The following FBXO16 variants were observed in gnomAD, a reference collection of about 807,000 sequenced individuals.
FBXO16 encodes the protein F-box only protein 16.
Under a neutral mutation model 41.0 loss-of-function variants are expected in FBXO16, and 31 were observed. The ratio of observed to expected loss-of-function variants is 0.76; its 90% CI spans 0.57 to 1.02. FBXO16 has a LOEUF of 1.02. FBXO16 is among the 50% of genes least tolerant of loss of function. The pLI is 0.00. For missense variants in FBXO16, 361 were observed against 346.2 expected, an observed-to-expected ratio of 1.04 and a Z score of -0.34; for synonymous variants, 133 against 117.8, an observed-to-expected ratio of 1.13 and a Z score of -0.84.
chr8:28,454,418 G>A (rs1266213947), intron 5 of FBXO16, among the ~76,000 whole-genome samples: 2 of 151,604 alleles, frequency 1.3e-5, no homozygotes, highest in African/African-American at 4.9e-5. Flanking sequence ...ATAAATGCTA[G>A]TAGTTATATG....
At chr8:28,468,601 G>A (rs1416875249) in intron 3 of FBXO16, among the ~76,000 whole-genome samples, 2 of 152,060 alleles carry the variant, frequency 1.3e-5, no homozygotes, top group African/African-American at 2.4e-5. Flanking sequence ...AGGCCAACAC[G>A]GAAGGAAGGA....
chr8:28,453,560 T>C (rs1275325357), intron 5 of FBXO16, among the ~76,000 whole-genome samples: 1 of 151,920 alleles, frequency 6.6e-6, no homozygotes, highest in Admixed American at 6.6e-5. Context: ...ACTACTGGTA[T>C]GTTGAGAAGC....
intron 1 of FBXO16, among the ~76,000 whole-genome samples, chr8:28,488,552 C>T (rs1803639804): frequency 6.6e-6 from 1 of 151,586 alleles, no homozygotes; most frequent in Admixed American, 6.6e-5. Context: ...AATCCACCAC[C>T]TCAGCCTCCC....
chr8:28,428,550 T>G lies in FBXO16; in HGVS notation c.*177A>C. 1 of 1,545,274 alleles carries G rather than the reference T, an allele frequency of 6.5e-7. No individual in the cohort carries two copies. The highest frequency in any genetic ancestry group is 1.2e-5 in the South Asian group (1 of 83,482). On this transcript the variant is annotated 3_prime_UTR_variant, in exon 9 of 9. Coordinates refer to ENST00000380254, the MANE Select transcript of FBXO16 (RefSeq NM_172366.4). The stretch of plus-strand genomic sequence containing the variant: ...CATCTTGTCATTTCTATAATAAAAG[T>G]CTTTCCATGTTCAGTCCACTTTGGC...
At chr8:28,455,219 G>T (rs996313226) in intron 5 of FBXO16, among the ~76,000 whole-genome samples, 5 of 150,982 alleles carry the variant, frequency 3.3e-5, no homozygotes, top group Non-Finnish European at 5.9e-5. Context: ...GGGATTACAG[G>T]TGCATGCCAC....
chr8:28,484,707 T>C (rs984132625), intron 1 of FBXO16, among the ~76,000 whole-genome samples: 1 of 152,186 alleles, frequency 6.6e-6, no homozygotes, highest in East Asian at 1.9e-4. Context: ...TTCTCCTGCC[T>C]CAGCCTCCCG....
intron 2 of FBXO16, among the ~76,000 whole-genome samples, chr8:28,480,817 C>G (rs1293260754): frequency 6.6e-6 from 1 of 152,108 alleles, no homozygotes; most frequent in East Asian, 1.9e-4. Context: ...GACTCCATTT[C>G]TTATGCTTCA....
In FBXO16 at chr8:28,489,211, G is replaced by A. The variant is rs1296542657; in HGVS notation, c.-17+975C>T. ...CAAAAAATTAGCAGAGCGTGGTGGT[G>A]TGTGCCTATAGTCCCAGCTACTTGG... On this transcript the variant is annotated intron_variant, in intron 1 of 8. Coordinates refer to ENST00000380254, the MANE Select transcript of FBXO16 (RefSeq NM_172366.4). Among the ~76,000 whole-genome samples the A allele has an allele frequency of 3.3e-5, 5 of 151,972 alleles. No individual in the cohort carries two copies. In the East Asian group the frequency reaches 9.7e-4, roughly 29 times the overall value.
chr8:28,433,967 T>TC (rs1325348129), intron 7 of FBXO16, among the ~76,000 whole-genome samples: 10 of 149,284 alleles, frequency 6.7e-5, no homozygotes, highest in Admixed American at 6.6e-4. Flanking sequence ...TTTTTTTTTT[T>TC]TTTTTTTTTT....
chr8:28,444,926 C>T (rs974717636), intron 7 of FBXO16, among the ~76,000 whole-genome samples: 3 of 151,546 alleles, frequency 2.0e-5, no homozygotes, highest in African/African-American at 2.4e-5. Context: ...CCACCGTGCC[C>T]GGCCTATTTC....
In FBXO16 at chr8:28,489,235, G is replaced by A. The variant is rs141211830; in HGVS notation, c.-17+951C>T. On this transcript the variant is annotated intron_variant, in intron 1 of 8. Transcript: ENST00000380254. ...TGTGTGCCTATAGTCCCAGCTACTT[G>A]GGAGGCTGAGGTGGGAGGACTGCTT... Among the ~76,000 whole-genome samples, 514 of 151,982 alleles carry A rather than the reference G, an allele frequency of 3.4e-3. 2 individuals carry two copies. The highest frequency in any genetic ancestry group is 0.012 in the African/African-American group (477 of 41,448).
intron 4 of FBXO16, among the ~76,000 whole-genome samples, chr8:28,460,243 A>ATTTTTTTTTT (rs1350204892): frequency 1.1e-5 from 1 of 93,796 alleles, no homozygotes; most frequent in African/African-American, 6.2e-5. Flanking sequence ...ATATATATAT[A>ATTTTTTTTTT]TATTTTTTTT....
At chr8:28,463,104 C>T (rs1051020248) in intron 4 of FBXO16, among the ~76,000 whole-genome samples, 1 of 152,064 alleles carries the variant, frequency 6.6e-6, no homozygotes, top group Non-Finnish European at 1.5e-5. Flanking sequence ...AATGTACAAA[C>T]ATATTGATCA....
intron 5 of FBXO16, among the ~76,000 whole-genome samples, chr8:28,455,195 C>T (rs1424380062): frequency 6.6e-6 from 1 of 151,872 alleles, no homozygotes; most frequent in Non-Finnish European, 1.5e-5. Flanking sequence ...CCTGCCTCAG[C>T]CTCCTGAGTA....
intron 3 of FBXO16, among the ~76,000 whole-genome samples, chr8:28,466,863 G>A (rs1045964117): frequency 4.6e-5 from 7 of 152,186 alleles, no homozygotes; most frequent in African/African-American, 1.4e-4. Context: ...GGAGGAGTAT[G>A]GCTGTGAGTT....
chr8:28,479,018 G>T (rs920371367), intron 2 of FBXO16, among the ~76,000 whole-genome samples: 1 of 152,018 alleles, frequency 6.6e-6, no homozygotes, highest in African/African-American at 2.4e-5. Flanking sequence ...TCCTGCTCCT[G>T]CCATGTAAGA....
intron 1 of FBXO16, among the ~76,000 whole-genome samples, chr8:28,485,882 C>A (rs780149134): frequency 1.3e-5 from 2 of 152,040 alleles, no homozygotes; most frequent in East Asian, 3.9e-4. Context: ...CTGAGGCAGG[C>A]GGATCACCTG....
At position 28,482,077 on chromosome 8, in the gene FBXO16, C is replaced by T. The variant is rs943576909; in HGVS notation, c.99+1271G>A. Among the ~76,000 whole-genome samples the T allele has an allele frequency of 1.9e-4, 29 of 152,186 alleles. 2 individuals carry two copies. Among genetic ancestry groups the T allele is most frequent in the South Asian group, 4.1e-4 (2 of 4,834 alleles). Reference sequence around the variant, plus strand: ...GGACGGGGAGGACCAGCAGAACCCACGCAAACATAACGTTCATGCCACTCG... The same window carrying T: ...GGACGGGGAGGACCAGCAGAACCCATGCAAACATAACGTTCATGCCACTCG... On this transcript the variant is annotated intron_variant, in intron 2 of 8. Transcript: ENST00000380254.
At chr8:28,444,221 A>T (rs1172219763) in intron 7 of FBXO16, among the ~76,000 whole-genome samples, 1 of 149,252 alleles carries the variant, frequency 6.7e-6, no homozygotes. Flanking sequence ...CCAGAGTTTT[A>T]CCCTCACTTT....
Sources: allele counts gnomAD v4.1 joint callset (sites outside exome capture counted in the v4.1 genomes callset), GRCh38; gene constraint gnomAD v4.1.1; transcripts MANE v1.5; gene names NCBI Gene and HGNC (gene_info 2026-07-23, HGNC 2026-07-21).